PARD3: variants seen among roughly 807,000 people sequenced by gnomAD.
PARD3 encodes the protein partitioning defective 3 homolog.
In PARD3, 75 loss-of-function variants were observed where a neutral mutation model predicts 155.4. The ratio of observed to expected loss-of-function variants is 0.48; its 90% CI spans 0.40 to 0.58. The LOEUF (loss-of-function observed/expected upper bound fraction) is 0.58, where lower values mean the gene tolerates loss of function less well. Ranked by LOEUF, PARD3 falls within the 20% of genes least tolerant of loss-of-function variation. PARD3 has a pLI of 0.00. For synonymous variants in PARD3, 576 were observed against 610.5 expected, an observed-to-expected ratio of 0.94 and a Z score of 0.83; for missense variants, 1,642 against 1,721.7, an observed-to-expected ratio of 0.95 and a Z score of 0.82.
intron 23 of PARD3, among the ~76,000 whole-genome samples, chr10:34,128,174 G>A (rs771963229): frequency 2.0e-5 from 3 of 152,236 alleles, no homozygotes; most frequent in East Asian, 1.9e-4. Context: ...CCTGAACTAA[G>A]TTAAAGCTCT....
At chr10:34,220,437 C>T (rs1382912984) in intron 22 of PARD3, among the ~76,000 whole-genome samples, 2 of 152,282 alleles carry the variant, frequency 1.3e-5, no homozygotes, top group Middle Eastern at 3.4e-3. Context: ...CTACTTGGAT[C>T]GCACCTGGTG....
At chr10:34,566,037 C>CTCCT (rs1203642461) in intron 2 of PARD3, among the ~76,000 whole-genome samples, 1 of 152,226 alleles carries the variant, frequency 6.6e-6, no homozygotes, top group East Asian at 1.9e-4. Context: ...CCAGTGATAA[C>CTCCT]ACAGGAGGAC....
chr10:34,695,363 T>C (rs926223670), intron 2 of PARD3, among the ~76,000 whole-genome samples: 5 of 149,338 alleles, frequency 3.3e-5, no homozygotes, highest in Admixed American at 2.7e-4. Context: ...TAATCCCAGC[T>C]AGTCAAAAGG....
chr10:34,289,702 C>T (rs1362033480), intron 20 of PARD3, among the ~76,000 whole-genome samples: 3 of 152,156 alleles, frequency 2.0e-5, no homozygotes, highest in Non-Finnish European at 4.4e-5. Flanking sequence ...AGAATTGATT[C>T]TAACATGTCT....
chr10:34,725,845 T>C (rs1590833141), intron 1 of PARD3, among the ~76,000 whole-genome samples: 1 of 152,252 alleles, frequency 6.6e-6, no homozygotes, highest in Non-Finnish European at 1.5e-5. Flanking sequence ...GATACTTTAC[T>C]ACACCTAAAA....
chr10:34,421,302 T>C (rs1846162460), intron 5 of PARD3, among the ~76,000 whole-genome samples: 1 of 150,634 alleles, frequency 6.6e-6, no homozygotes, highest in Non-Finnish European at 1.5e-5. Context: ...TTAATAATTA[T>C]TATAACTAGT....
chr10:34,805,381 C>T (rs1173917063), intron 1 of PARD3, among the ~76,000 whole-genome samples: 2 of 151,846 alleles, frequency 1.3e-5, no homozygotes, highest in Non-Finnish European at 2.9e-5. Context: ...AAAAACCAGA[C>T]ACTAGAAAAA....
intron 3 of PARD3, among the ~76,000 whole-genome samples, chr10:34,476,265 T>C (rs1407704609): frequency 6.6e-6 from 1 of 152,246 alleles, no homozygotes; most frequent in Non-Finnish European, 1.5e-5. Context: ...TTTTGTTTCT[T>C]CATCAAAAAC....
At chr10:34,675,388 T>C (rs1055130935) in intron 2 of PARD3, among the ~76,000 whole-genome samples, 21 of 152,306 alleles carry the variant, frequency 1.4e-4, no homozygotes, top group African/African-American at 4.3e-4. Context: ...AAGAAGATGA[T>C]TGAAGTCCAT....
chr10:34,732,610 G>A (rs7070739), intron 1 of PARD3, among the ~76,000 whole-genome samples: 151,614 of 152,232 alleles, frequency 1, 75,504 homozygotes, highest in Middle Eastern at 1. Flanking sequence ...AGGCGGGAGG[G>A]TTGCTTGAAC....
intron 23 of PARD3, among the ~76,000 whole-genome samples, chr10:34,120,039 T>C (rs1200318468): frequency 1.5e-5 from 2 of 131,288 alleles, no homozygotes; most frequent in South Asian, 2.5e-4. Context: ...TTTTTAGAGA[T>C]GGGATCTCAC....
intron 16 of PARD3, 27 bp downstream of exon 16, chr10:34,341,600 T>G (rs1488217568): frequency 6.3e-7 from 1 of 1,575,454 alleles, no homozygotes; most frequent in African/African-American, 1.4e-5. Context: ...TTAATTCATG[T>G]TTTCCAACCC....
In PARD3 at chr10:34,498,860, G is replaced by T. The variant is rs552856164; in HGVS notation, c.403+18119C>A. Among the ~76,000 whole-genome samples the T allele has an allele frequency of 6.6e-5, 10 of 152,182 alleles. No homozygotes were observed. In the South Asian group the frequency reaches 2.1e-3, roughly 32 times the overall value. The stretch of plus-strand genomic sequence containing the variant: ...CCAATAAATAAGGATAATCACTTAC[G>T]TGTGAACATAGAAAAATAAAGGTAA... On this transcript the variant is annotated intron_variant, in intron 3 of 24. Transcript: ENST00000374788.
intron 22 of PARD3, among the ~76,000 whole-genome samples, chr10:34,241,452 C>T (rs555726739): frequency 2.0e-5 from 3 of 152,124 alleles, no homozygotes; most frequent in Non-Finnish European, 4.4e-5. Context: ...AGCGGGAGGG[C>T]ACAGGGTGTC....
chr10:34,166,908 C>G (rs1949556126), intron 22 of PARD3, among the ~76,000 whole-genome samples: 1 of 152,176 alleles, frequency 6.6e-6, no homozygotes, highest in Non-Finnish European at 1.5e-5. Flanking sequence ...GCCAAATATT[C>G]TATCTGAAAC....
intron 22 of PARD3, among the ~76,000 whole-genome samples, chr10:34,252,496 G>A (rs1245274590): frequency 6.6e-6 from 1 of 152,078 alleles, no homozygotes; most frequent in African/African-American, 2.4e-5. Context: ...GAGGGGTCAG[G>A]AGAGACAGTT....
intron 1 of PARD3, among the ~76,000 whole-genome samples, chr10:34,804,273 G>C (rs1251934257): frequency 6.6e-6 from 1 of 152,190 alleles, no homozygotes; most frequent in Non-Finnish European, 1.5e-5. Context: ...CTGGCCTCAA[G>C]TGATCCGCCC....
rs554818704 is a variant in PARD3, at chr10:34,272,177, T to G, written c.3177-2278A>C. 5.3e-5 allele frequency among the ~76,000 whole-genome samples: 8 copies of G among 152,244 alleles called. No individual in the cohort carries two copies. In the South Asian group the frequency reaches 1.7e-3, roughly 32 times the overall value. On this transcript the variant is annotated intron_variant, in intron 21 of 24. Transcript: ENST00000374788. ...AAATTAACTCAAAATGGGTCACAGGTTTAAATGTAAATGTAAAAGTATAAA... is the reference window on the plus strand; with the variant it reads ...AAATTAACTCAAAATGGGTCACAGGGTTAAATGTAAATGTAAAAGTATAAA...
rs118082120 is a variant in PARD3, at chr10:34,170,219, C to T, written c.3420-38636G>A. 1.0e-3 allele frequency among the ~76,000 whole-genome samples: 157 copies of T among 152,276 alleles called. 1 individual carries two copies. In the East Asian group the frequency reaches 0.025, roughly 25 times the overall value. On this transcript the variant is annotated intron_variant, in intron 22 of 24. Transcript: ENST00000374788. ...CCTCCTGCCTCAGCCTCCCAAGTAG[C>T]TGGAACTACAGTTGCACACCACCAC...
Sources: allele counts gnomAD v4.1 joint callset (sites outside exome capture counted in the v4.1 genomes callset), GRCh38; gene constraint gnomAD v4.1.1; transcripts MANE v1.5; gene names NCBI Gene and HGNC (gene_info 2026-07-23, HGNC 2026-07-21).